The following EIF2B3 variants were observed in gnomAD, a reference collection of about 807,000 sequenced individuals.
EIF2B3 encodes the protein translation initiation factor eIF2B subunit gamma.
EIF2B3 carries 20 observed loss-of-function variants against 54.1 expected under a neutral mutation model. That is an observed-to-expected ratio of 0.37 (90% CI 0.26 to 0.54). The LOEUF is 0.54. Ranked by LOEUF, EIF2B3 falls within the 20% of genes least tolerant of loss-of-function variation. EIF2B3 has a pLI of 0.86. For missense variants in EIF2B3, 448 were observed against 547.8 expected (o/e 0.82, Z 1.82); for synonymous variants, 153 against 188.1 (o/e 0.81, Z 1.52).
chr1:44,859,384 C>A (rs190668905), intron 10 of EIF2B3, among the ~76,000 whole-genome samples: 1 of 151,798 alleles, frequency 6.6e-6, no homozygotes, highest in Admixed American at 6.6e-5. Flanking sequence ...TGGCTGGGTG[C>A]GGTGGCTCAT....
At chr1:44,958,400 C>T (rs1221294145) in intron 3 of EIF2B3, among the ~76,000 whole-genome samples, 1 of 152,092 alleles carries the variant, frequency 6.6e-6, no homozygotes, top group East Asian at 1.9e-4. Flanking sequence ...CATGTGATGC[C>T]AGAGAAGTAA....
chr1:44,878,504 C>T (rs986510475), intron 8 of EIF2B3, among the ~76,000 whole-genome samples: 2 of 152,106 alleles, frequency 1.3e-5, no homozygotes, highest in Non-Finnish European at 2.9e-5. Flanking sequence ...CTCAGGCGAT[C>T]CACCCGTCTC....
intron 5 of EIF2B3, among the ~76,000 whole-genome samples, chr1:44,910,983 T>C (rs1443224622): frequency 6.6e-6 from 1 of 152,130 alleles, no homozygotes. Context: ...TTACAAAAGT[T>C]AAAAAAACTT....
chr1:44,903,555 T>C (rs1032836145), intron 5 of EIF2B3, among the ~76,000 whole-genome samples: 1 of 152,230 alleles, frequency 6.6e-6, no homozygotes, highest in African/African-American at 2.4e-5. Context: ...CAATGCTTAG[T>C]TCCTAGAAGG....
At chr1:44,901,655 G>C (rs976569703) in intron 5 of EIF2B3, among the ~76,000 whole-genome samples, 4 of 150,008 alleles carry the variant, frequency 2.7e-5, no homozygotes, top group African/African-American at 9.8e-5. Flanking sequence ...ACCTCCCTGG[G>C]CTCAGGTGAT....
rs758350160 is a variant in EIF2B3 at position 44,958,616 on chromosome 1, T to C, written c.295-16951A>G. 6.0e-6 allele frequency: 9 copies of C among 1,510,650 alleles called. No homozygotes were observed. The South Asian group carries it at 6.7e-5, about 11-fold the overall frequency. The allele number at this position is 1,510,650 out of a possible 1,614,324, so 93.6% of individuals were successfully genotyped here. A position where few individuals can be genotyped will look rare whatever the true frequency, so the allele number is the denominator to read the frequency against. On this transcript the variant is annotated intron_variant, in intron 3 of 11. Coordinates refer to ENST00000360403, the MANE Select transcript of EIF2B3 (RefSeq NM_020365.5). ...ATCAAAAGTGTGGCATCAAACTCTA[T>C]GGCTATGCATGGGTCACTGCCTGCT...
At chr1:44,910,957 A>G (rs781209727) in intron 5 of EIF2B3, among the ~76,000 whole-genome samples, 5 of 152,140 alleles carry the variant, frequency 3.3e-5, no homozygotes, top group South Asian at 2.1e-4. Flanking sequence ...CCTGAGCAGT[A>G]TAGACTGAAC....
intron 3 of EIF2B3, among the ~76,000 whole-genome samples, chr1:44,950,372 T>G (rs1431812978): frequency 6.6e-6 from 1 of 152,284 alleles, no homozygotes; most frequent in South Asian, 2.1e-4. Context: ...CAGTAAGCTA[T>G]GATTGTGCCA....
At position 44,874,627 on chromosome 1, in the gene EIF2B3, A is replaced by G. The variant is rs759490529; in HGVS notation, c.1202+51T>C. The G allele has an allele frequency of 2.5e-6, 4 of 1,594,318 alleles. No individual in the cohort carries two copies. In the African/African-American group the frequency reaches 5.4e-5, roughly 21 times the overall value. On this transcript the variant is annotated intron_variant, in intron 10 of 11. Coordinates refer to ENST00000360403, the MANE Select transcript of EIF2B3 (RefSeq NM_020365.5). ...AAATTAACCTTCCTTCAGAATTTTG[A>G]AGGCATTTTTCCATTATCTTTGCCT...
chr1:44,864,541 G>A (rs1193679495), intron 10 of EIF2B3, among the ~76,000 whole-genome samples: 1 of 152,114 alleles, frequency 6.6e-6, no homozygotes, highest in Non-Finnish European at 1.5e-5. Flanking sequence ...CAGCCTGGGT[G>A]ACACAGCGAG....
Position 44,879,696 on chromosome 1 carries a change from G to C in EIF2B3, c.975+122C>G, listed in dbSNP as rs1043086312. On this transcript the variant is annotated intron_variant, in intron 8 of 11. Coordinates refer to ENST00000360403, the MANE Select transcript of EIF2B3 (RefSeq NM_020365.5). ...AGTCTCCCTTGACGTGCCAGGTCTT[G>C]CTCAACCTTGGGAATGACAGGGATT... is the stretch of plus-strand genomic sequence containing the variant. The C allele has an allele frequency of 5.2e-5, 61 of 1,172,622 alleles. No homozygotes were observed. In the Admixed American group the frequency reaches 1.2e-3, roughly 23 times the overall value. The allele number at this position is 1,172,622 out of a possible 1,614,324, so 72.6% of individuals were successfully genotyped here.
intron 3 of EIF2B3, among the ~76,000 whole-genome samples, chr1:44,970,875 C>G (rs1456769485): frequency 6.6e-6 from 1 of 152,104 alleles, no homozygotes; most frequent in Admixed American, 6.6e-5. Flanking sequence ...ATTTCAGGGG[C>G]TATTGTAGTA....
chr1:44,854,006 TG>T lies in EIF2B3; in HGVS notation c.1307-3004del, dbSNP rs372882987. On this transcript the variant is annotated intron_variant, in intron 11 of 11. Transcript: ENST00000360403. ...TTTAGCAGTTAGTGTTTTTTTTTTT[TG>T]TTTTTTTTTTTTCTGAATGGAGTCT... Among the ~76,000 whole-genome samples the T allele has an allele frequency of 5.8e-4, 86 of 147,036 alleles. 2 individuals are homozygous for T. Among genetic ancestry groups the T allele is most frequent in the African/African-American group, 1.7e-3 (68 of 39,552 alleles).
rs547872551 is a variant in EIF2B3, at chr1:44,881,417, G to A, written c.784+195C>T. On this transcript the variant is annotated intron_variant, in intron 7 of 11. Coordinates refer to ENST00000360403, the MANE Select transcript of EIF2B3 (RefSeq NM_020365.5). This position sits in a 1 kb window ranked among gnomAD's most constrained non-coding sequence, Gnocchi z 4.0. ...CTGGAGGCATGATTAGCCTGTTGCC[G>A]AGAGCACAGTGGCAGAATCTGCCTG... Among the ~76,000 whole-genome samples, 4 of 152,292 alleles carry A rather than the reference G, an allele frequency of 2.6e-5. No individual in the cohort carries two copies. The highest frequency in any genetic ancestry group is 6.5e-5 in the Admixed American group (1 of 15,302).
At chr1:44,944,494 C>CAA (rs35092890) in intron 3 of EIF2B3, among the ~76,000 whole-genome samples, 117 of 85,656 alleles carry the variant, frequency 1.4e-3, no homozygotes, top group African/African-American at 4.5e-3. Context: ...GATGCTGTCT[C>CAA]AAAAAAAAAA....
chr1:44,919,070 G>A (rs765771524), intron 5 of EIF2B3, among the ~76,000 whole-genome samples: 2 of 152,094 alleles, frequency 1.3e-5, no homozygotes, highest in Middle Eastern at 3.2e-3. Flanking sequence ...GTTACAGGCC[G>A]GGCTCAGTGG....
At chr1:44,880,830 G>A (rs527776330) in intron 7 of EIF2B3, among the ~76,000 whole-genome samples, 59 of 152,220 alleles carry the variant, frequency 3.9e-4, no homozygotes, top group African/African-American at 1.3e-3. Context: ...GCGTGGTGGC[G>A]TGTGCCTGTA....
At chr1:44,940,996 C>T (rs1644014787) in intron 4 of EIF2B3, among the ~76,000 whole-genome samples, 1 of 151,402 alleles carries the variant, frequency 6.6e-6, no homozygotes, top group South Asian at 2.1e-4. Flanking sequence ...AAGCAATTCT[C>T]CTCCCTCAGC....
intron 4 of EIF2B3, among the ~76,000 whole-genome samples, chr1:44,939,307 G>C (rs1643994499): frequency 1.3e-5 from 2 of 152,022 alleles, no homozygotes. Flanking sequence ...TCCAGCTATA[G>C]AAAGTTACCA....
Sources: allele counts gnomAD v4.1 joint callset (sites outside exome capture counted in the v4.1 genomes callset), GRCh38; gene constraint gnomAD v4.1.1; non-coding constraint Gnocchi (gnomAD v3.1); transcripts MANE v1.5; gene names NCBI Gene and HGNC (gene_info 2026-07-23, HGNC 2026-07-21).